The following SLC8A1 variants were observed in gnomAD, a reference collection of about 807,000 sequenced individuals.
SLC8A1 encodes sodium/calcium exchanger 1.
SLC8A1 carries 18 observed loss-of-function variants against 68.3 expected under a neutral mutation model. The ratio of observed to expected loss-of-function variants is 0.26; its 90% CI spans 0.18 to 0.39. The LOEUF (loss-of-function observed/expected upper bound fraction) is 0.39, where lower values mean the gene tolerates loss of function less well. Among genes scored for constraint, SLC8A1 ranks in the 10% least tolerant of loss-of-function variants. The probability of loss-of-function intolerance (pLI) is 1.00; values close to 1 mark genes in which losing one functional copy is unlikely to be tolerated. For missense variants in SLC8A1, 985 were observed against 1,156.7 expected (o/e 0.85, Z 2.15); for synonymous variants, 475 against 415.5 (o/e 1.14, Z -1.74).
Position 40,247,459 on chromosome 2 carries a change from G to A in SLC8A1, c.1809-69604C>T, listed in dbSNP as rs2373820. On this transcript the variant is annotated intron_variant, in intron 2 of 7. Coordinates refer to ENST00000406785, the Ensembl canonical transcript of SLC8A1. ...ATGTGTGTGTGTGTGTGTGTGTGGA[G>A]AGAGAGAGACAGATCTGAGGCATGG... is the stretch of plus-strand genomic sequence containing the variant. Among the ~76,000 whole-genome samples, 8 of 113,716 alleles carry A rather than the reference G, an allele frequency of 7.0e-5. No homozygotes were observed. The South Asian group carries it at 1.4e-3, about 20-fold the overall frequency. The allele number at this position is 113,716 out of a possible 152,430, so 74.6% of individuals were successfully genotyped here.
intron 1 of SLC8A1, among the ~76,000 whole-genome samples, chr2:40,501,717 A>C (rs1430816652): frequency 6.6e-6 from 1 of 152,086 alleles, no homozygotes; most frequent in Middle Eastern, 3.2e-3. Flanking sequence ...TTTGTGCTTC[A>C]TCATGTCCTT....
chr2:40,421,158 A>C (rs1285601809), intron 2 of SLC8A1, among the ~76,000 whole-genome samples: 1 of 152,018 alleles, frequency 6.6e-6, no homozygotes, highest in African/African-American at 2.4e-5. Context: ...CATCACCATC[A>C]CTACCACCTC....
intron 2 of SLC8A1, among the ~76,000 whole-genome samples, chr2:40,315,790 T>C (rs924932628): frequency 2.0e-5 from 3 of 152,024 alleles, no homozygotes; most frequent in African/African-American, 7.2e-5. Flanking sequence ...TTTATCTAAA[T>C]GTTATCTAAG....
Position 40,195,206 on chromosome 2 carries a change from T to A in SLC8A1, c.1809-17351A>T, listed in dbSNP as rs1359770367. Among the ~76,000 whole-genome samples the A allele has an allele frequency of 3.3e-5, 5 of 152,118 alleles. No homozygotes were observed. In the South Asian group the frequency reaches 1.0e-3, roughly 31 times the overall value. ...GACTTTCAGGCAGATTTCAGGAATC[T>A]AGTAGTTTACTGCTTTTGTTTCTGA... On this transcript the variant is annotated intron_variant, in intron 2 of 7. Transcript: ENST00000406785.
chr2:40,477,924 G>A (rs1704392023), intron 1 of SLC8A1, among the ~76,000 whole-genome samples: 1 of 152,116 alleles, frequency 6.6e-6, no homozygotes, highest in Non-Finnish European at 1.5e-5. Flanking sequence ...GAAGCTCAGG[G>A]AATAACCAGA....
At chr2:40,284,945 C>T (rs369055226) in intron 2 of SLC8A1, among the ~76,000 whole-genome samples, 8 of 152,166 alleles carry the variant, frequency 5.3e-5, no homozygotes, top group African/African-American at 1.7e-4. Context: ...CACTCTCATG[C>T]ATTTTGATAC....
exon 2 of SLC8A1, chr2:40,430,202 A>G (rs1316390677): frequency 8.1e-6 from 13 of 1,613,722 alleles, no homozygotes; most frequent in Non-Finnish European, 1.0e-5. Context: ...ACATGGGAAA[A>G]TAAGAGACTC....
In SLC8A1 at chr2:40,160,976, G is replaced by C; in HGVS notation, c.2062-112C>G. The C allele has an allele frequency of 4.2e-6, 3 of 719,182 alleles. No individual in the cohort carries two copies. The East Asian group carries it at 7.9e-5, about 19-fold the overall frequency. 44.6% of individuals were successfully genotyped at this position (719,182 alleles called of 1,614,324 possible). ...GTTATATAAAGGGTAGCAGATGTTA[G>C]GCTCAAAACAACAGTATTGACATCA... On this transcript the variant is annotated intron_variant, in intron 5 of 7. Coordinates refer to ENST00000406785, the Ensembl canonical transcript of SLC8A1.
chr2:40,344,306 A>G (rs536515436), intron 2 of SLC8A1, among the ~76,000 whole-genome samples: 8 of 152,146 alleles, frequency 5.3e-5, no homozygotes, highest in Non-Finnish European at 8.8e-5. Flanking sequence ...ATTTTTTTGC[A>G]TGATTCTTTT....
At chr2:40,506,686 C>CATT (rs1553627313) in intron 1 of SLC8A1, among the ~76,000 whole-genome samples, 4,257 of 151,638 alleles carry the variant, frequency 0.028, 74 homozygotes, top group Middle Eastern at 0.072. Context: ...GTTTAAATCT[C>CATT]TAATCTCATT....
intron 1 of SLC8A1, among the ~76,000 whole-genome samples, chr2:40,438,588 G>A (rs77879416): frequency 0.011 from 1,676 of 152,228 alleles, 36 homozygotes; most frequent in African/African-American, 0.038. Context: ...TTAATACTAG[G>A]AAGAATTGAC....
At chr2:40,118,337 T>C (rs530105831) in intron 7 of SLC8A1, 4 of 152,336 alleles carry the variant, frequency 2.6e-5, no homozygotes, top group African/African-American at 9.6e-5. Flanking sequence ...CCTGTTCCTT[T>C]CACTCAGAAA....
intron 4 of SLC8A1, among the ~76,000 whole-genome samples, chr2:40,174,103 C>T (rs184907065): frequency 1.3e-5 from 2 of 152,170 alleles, no homozygotes; most frequent in East Asian, 3.9e-4. Flanking sequence ...AAATATTACT[C>T]ATTACCATGT....
rs116117692 is a variant in SLC8A1, at chr2:40,257,646, A to T, written c.1809-79791T>A. ...TTACTGGAGTTAATTAAAGCAATTA[A>T]TTCCCTTCCCTTTCAAAGCAGTGTG... is the stretch of plus-strand genomic sequence containing the variant. On this transcript the variant is annotated intron_variant, in intron 2 of 7. Transcript: ENST00000406785. Among the ~76,000 whole-genome samples the T allele has an allele frequency of 2.6e-3, 402 of 152,276 alleles. 1 individual carries two copies. The highest frequency in any genetic ancestry group is 9.0e-3 in the African/African-American group (375 of 41,548).
At chr2:40,211,264 T>A (rs1446445082) in intron 2 of SLC8A1, among the ~76,000 whole-genome samples, 8 of 152,242 alleles carry the variant, frequency 5.3e-5, no homozygotes, top group Non-Finnish European at 1.2e-4. Flanking sequence ...ACTACACTAG[T>A]TCTTCCTATA....
At chr2:40,272,329 T>C (rs762994463) in intron 2 of SLC8A1, among the ~76,000 whole-genome samples, 5 of 152,166 alleles carry the variant, frequency 3.3e-5, no homozygotes, top group Non-Finnish European at 5.9e-5. Context: ...GAGGGTTCTT[T>C]TCCTGATGGC....
chr2:40,386,747 T>C (rs1044658157), intron 2 of SLC8A1, among the ~76,000 whole-genome samples: 3 of 151,008 alleles, frequency 2.0e-5, no homozygotes, highest in East Asian at 1.9e-4. Flanking sequence ...TGGATGAGCA[T>C]TGGTTACTCC....
At chr2:40,447,648 G>A (rs1701698590) in intron 1 of SLC8A1, among the ~76,000 whole-genome samples, 1 of 151,114 alleles carries the variant, frequency 6.6e-6, no homozygotes, top group South Asian at 2.1e-4. Flanking sequence ...ATTAATGGTA[G>A]CTCCTTCTCG....
At chr2:40,297,315 A>G (rs2070579700) in intron 2 of SLC8A1, among the ~76,000 whole-genome samples, 2 of 152,188 alleles carry the variant, frequency 1.3e-5, no homozygotes, top group Admixed American at 6.5e-5. Context: ...AGTCCTAGCT[A>G]TGCCACTTTC....
Sources: gnomAD v4.1 joint callset for allele counts (sites outside exome capture counted in the v4.1 genomes callset) on GRCh38, gnomAD v4.1.1 for gene constraint, MANE v1.5 for transcripts, NCBI Gene and HGNC (gene_info 2026-07-23, HGNC 2026-07-21) for gene names.